MAD1L1: variants seen among roughly 807,000 people sequenced by gnomAD.
MAD1L1 encodes the protein mitotic arrest deficient 1 like 1.
A neutral mutation model predicts 96.9 loss-of-function variants in MAD1L1; 95 were observed. The ratio of observed to expected loss-of-function variants is 0.98; its 90% CI spans 0.83 to 1.16. MAD1L1 has a LOEUF of 1.16. MAD1L1 is among the 50% of genes most tolerant of loss of function. MAD1L1 has a pLI of 0.00. For missense variants in MAD1L1, 1,007 were observed against 954.4 expected, an observed-to-expected ratio of 1.06 and a Z score of -0.73; for synonymous variants, 473 against 396.6, an observed-to-expected ratio of 1.19 and a Z score of -2.29.
At position 1,829,765 on chromosome 7, in the gene MAD1L1, A is replaced by G. The variant is rs550936368; in HGVS notation, c.1999-13537T>C. 5.3e-5 allele frequency: 8 copies of G among 152,182 alleles called. No homozygotes were observed. In the East Asian group the frequency reaches 1.5e-3, roughly 29 times the overall value. 9.4% of individuals were successfully genotyped at this position (152,182 alleles called of 1,614,324 possible). ...GGGAGGAAACAACATTAAAGTACAC[A>G]AAGTACATCATAATCAAACTGCTCA... On this transcript the variant is annotated intron_variant, in intron 18 of 18. Coordinates refer to ENST00000265854, the MANE Select transcript of MAD1L1 (RefSeq NM_001013836.2).
At chr7:1,957,870 C>T (rs145495752) in intron 15 of MAD1L1, 151 bp from the exon 16 acceptor site, 3 of 667,554 alleles carry the variant, frequency 4.5e-6, no homozygotes, top group South Asian at 3.8e-5. Flanking sequence ...CAGAGTCCAG[C>T]GATAACATCA....
At chr7:1,877,187 A>C (rs1785428799) in intron 18 of MAD1L1, among the ~76,000 whole-genome samples, 1 of 152,150 alleles carries the variant, frequency 6.6e-6, no homozygotes, top group Non-Finnish European at 1.5e-5. Flanking sequence ...GGGGTCATCA[A>C]ACTCCAACCC....
At chr7:1,862,051 G>C (rs190513099) in intron 18 of MAD1L1, among the ~76,000 whole-genome samples, 1 of 152,190 alleles carries the variant, frequency 6.6e-6, no homozygotes, top group Non-Finnish European at 1.5e-5. Context: ...AGGCCTCCTA[G>C]ACCTGCAGAG....
chr7:1,834,467 T>C (rs569463001), intron 18 of MAD1L1, among the ~76,000 whole-genome samples: 24 of 152,316 alleles, frequency 1.6e-4, no homozygotes, highest in Middle Eastern at 3.4e-3. Flanking sequence ...ATCCTACAGA[T>C]GTTAAAAGGA....
chr7:1,856,833 G>T (rs548434217), intron 18 of MAD1L1, among the ~76,000 whole-genome samples: 5 of 152,126 alleles, frequency 3.3e-5, no homozygotes, highest in African/African-American at 1.2e-4. Context: ...GGACTCCTGC[G>T]GGCCTCTCCC....
chr7:1,941,875 C>T lies in MAD1L1; in HGVS notation c.1597-4978G>A, dbSNP rs1470143791. 7.8e-5 allele frequency among the ~76,000 whole-genome samples: 3 copies of T among 38,490 alleles called. No homozygotes were observed. The East Asian group carries it at 3.3e-3, about 42-fold the overall frequency. The allele number at this position is 38,490 out of a possible 152,430, so 25.3% of individuals were successfully genotyped here. On this transcript the variant is annotated intron_variant, in intron 16 of 18. Transcript: ENST00000265854. ...AGGGCGAGGGAAGTGGGAGGACAGG[C>T]GCTAGGGCTCTGTGCAGATGGCAAC...
chr7:2,033,188 C>G (rs117368852), intron 12 of MAD1L1, among the ~76,000 whole-genome samples: 1 of 152,248 alleles, frequency 6.6e-6, no homozygotes, highest in South Asian at 2.1e-4. Flanking sequence ...GTGGGCCCTT[C>G]GATCATCCCA....
At chr7:2,154,545 C>T (rs186914146) in intron 10 of MAD1L1, among the ~76,000 whole-genome samples, 1 of 152,158 alleles carries the variant, frequency 6.6e-6, no homozygotes, top group East Asian at 1.9e-4. Flanking sequence ...CCCCAAATAC[C>T]CTAAACTTGC....
intron 18 of MAD1L1, among the ~76,000 whole-genome samples, chr7:1,867,700 G>A (rs567462507): frequency 6.6e-6 from 1 of 152,352 alleles, no homozygotes; most frequent in South Asian, 2.1e-4. Flanking sequence ...TGGCCTCCGG[G>A]GCAGAGCTCC....
At chr7:2,042,800 G>A (rs7456614) in intron 12 of MAD1L1, among the ~76,000 whole-genome samples, 10,903 of 152,086 alleles carry the variant, frequency 0.072, 1,263 homozygotes, top group African/African-American at 0.24. Context: ...TGTACAGTCC[G>A]CAGAATGACC....
At chr7:2,069,104 T>A in intron 12 of MAD1L1, 90 bp downstream of exon 12, 1 of 1,436,200 alleles carries the variant, frequency 7.0e-7, no homozygotes. Flanking sequence ...GCTGCAGCAC[T>A]CCTGCCTCCA....
At chr7:1,863,150 C>G (rs1436215896) in intron 18 of MAD1L1, among the ~76,000 whole-genome samples, 1 of 152,282 alleles carries the variant, frequency 6.6e-6, no homozygotes, top group African/African-American at 2.4e-5. Context: ...GCGTCCAGAT[C>G]TGAGCGCACG....
intron 11 of MAD1L1, among the ~76,000 whole-genome samples, chr7:2,090,930 A>C (rs1032629579): frequency 6.6e-6 from 1 of 152,174 alleles, no homozygotes; most frequent in Non-Finnish European, 1.5e-5. Context: ...AACTACATCC[A>C]TTTTATCTGC....
chr7:1,877,797 T>G (rs1011919498), intron 18 of MAD1L1, among the ~76,000 whole-genome samples: 4 of 152,168 alleles, frequency 2.6e-5, no homozygotes, highest in African/African-American at 9.7e-5. Flanking sequence ...AAGACAGACA[T>G]TGCATAATTA....
chr7:1,815,942 TGTCA>T lies in MAD1L1; in HGVS notation c.*124_*127del. The stretch of plus-strand genomic sequence containing the variant: ...AGCCCGACGTAGGTCCCAGCGTGTC[TGTCA>T]GTCATGCTGCTGCCCTGTGGGGCTG... On this transcript the variant is annotated 3_prime_UTR_variant, in exon 19 of 19. Transcript: ENST00000265854. 8.8e-7 allele frequency: 1 copy of T among 1,141,378 alleles called. No homozygotes were observed. Among genetic ancestry groups the T allele is most frequent in the Non-Finnish European group, 1.2e-6 (1 of 827,720 alleles). The allele number at this position is 1,141,378 out of a possible 1,614,324, so 70.7% of individuals were successfully genotyped here. A position where few individuals can be genotyped will look rare whatever the true frequency, so the allele number is the denominator to read the frequency against.
At chr7:2,189,725 T>C (rs1245867514) in intron 10 of MAD1L1, among the ~76,000 whole-genome samples, 1 of 152,164 alleles carries the variant, frequency 6.6e-6, no homozygotes, top group Non-Finnish European at 1.5e-5. Flanking sequence ...GTGGTGATGG[T>C]TGCACAGCAA....
intron 16 of MAD1L1, among the ~76,000 whole-genome samples, chr7:1,950,609 A>C (rs1009642912): frequency 3.3e-5 from 5 of 151,978 alleles, no homozygotes; most frequent in Non-Finnish European, 5.9e-5. Context: ...GCGCCAGTCG[A>C]CCCCACACGG....
At chr7:2,020,497 G>A (rs1402344984) in intron 12 of MAD1L1, among the ~76,000 whole-genome samples, 1 of 152,216 alleles carries the variant, frequency 6.6e-6, no homozygotes, top group Non-Finnish European at 1.5e-5. Context: ...GGGACGCCCG[G>A]CCCTGACATC....
At chr7:1,949,812 C>G (rs1034414368) in intron 16 of MAD1L1, among the ~76,000 whole-genome samples, 1 of 152,218 alleles carries the variant, frequency 6.6e-6, no homozygotes, top group African/African-American at 2.4e-5. Flanking sequence ...ACTGGCACCC[C>G]GTGCGGGGCA....
Sources: gnomAD v4.1 joint callset for allele counts (sites outside exome capture counted in the v4.1 genomes callset) on GRCh38, gnomAD v4.1.1 for gene constraint, MANE v1.5 for transcripts, NCBI Gene and HGNC (gene_info 2026-07-23, HGNC 2026-07-21) for gene names.